Variants in SLC6A6 observed in about 807,000 individuals in gnomAD.
SLC6A6 encodes solute carrier family 6 member 6.
In SLC6A6, 16 loss-of-function variants were observed where a neutral mutation model predicts 68.8. The observed-to-expected ratio is 0.23, with a 90% CI of 0.16 to 0.35. The LOEUF is 0.35. Ranked by LOEUF, SLC6A6 falls within the 10% of genes least tolerant of loss-of-function variation. The probability of loss-of-function intolerance (pLI) is 1.00; values close to 1 mark genes in which losing one functional copy is unlikely to be tolerated. For synonymous variants in SLC6A6, 312 were observed against 315.4 expected, an observed-to-expected ratio of 0.99 and a Z score of 0.12; for missense variants, 474 against 802.8, an observed-to-expected ratio of 0.59 and a Z score of 4.95.
At position 14,477,331 on chromosome 3, in the gene SLC6A6, A is replaced by G; in HGVS notation, c.1336A>G (p.Met446Val). 6.2e-7 allele frequency: 1 copy of G among 1,614,122 alleles called. No homozygotes were observed. The highest frequency in any genetic ancestry group is 8.5e-7 in the Non-Finnish European group (1 of 1,179,984). Residue 446 changes from methionine to valine, a missense_variant, in exon 11 of 15, where the codon ATG becomes GTG. By Grantham distance (21) the Met-to-Val change is conservative. Coordinates refer to ENST00000622186, the MANE Select transcript of SLC6A6 (RefSeq NM_003043.6). The surrounding 1 kb of genome is among the most constrained non-coding windows in gnomAD (Gnocchi z 4.2). The stretch of plus-strand genomic sequence containing the variant: ...CATCAGCTACCTGCTGGGGCTGACG[A>G]TGGTGACGGAGGTAGGTGGCTCTCT... The part of the protein sequence containing the change: ...CSISYLLGLT[M>V]VTEGGMYVFQ...
chr3:14,417,589 A>C (rs1201575274), intron 2 of SLC6A6, among the ~76,000 whole-genome samples: 1 of 152,152 alleles, frequency 6.6e-6, no homozygotes, highest in East Asian at 1.9e-4. Flanking sequence ...AAAATTAGCC[A>C]GACGTGGTGG....
intron 1 of SLC6A6, among the ~76,000 whole-genome samples, chr3:14,409,361 C>T (rs994363664): frequency 1.8e-4 from 27 of 152,330 alleles, no homozygotes; most frequent in African/African-American, 3.8e-4. Context: ...CCGGCTGAGC[C>T]GATTCAGCAT....
chr3:14,402,883 C>T lies in SLC6A6; in HGVS notation c.-54+36C>T, dbSNP rs938204518. The T allele has an allele frequency of 1.8e-5, 7 of 390,978 alleles. No homozygotes were observed. The highest frequency in any genetic ancestry group is 6.4e-4 in the Middle Eastern group (1 of 1,568). 24.2% of individuals were successfully genotyped at this position (390,978 alleles called of 1,614,324 possible). A position where few individuals can be genotyped will look rare whatever the true frequency, so the allele number is the denominator to read the frequency against. ...GACCGGGAGCTGGGCGCGCAGCCGG[C>T]GCTGCCCGCCGTCTGCAGCCCCTCC... On this transcript the variant is annotated intron_variant, in intron 1 of 14. Transcript: ENST00000622186. This position sits in a 1 kb window ranked among gnomAD's most constrained non-coding sequence, Gnocchi z 4.8.
chr3:14,463,403 G>C (rs939486306), intron 6 of SLC6A6, among the ~76,000 whole-genome samples: 1 of 152,214 alleles, frequency 6.6e-6, no homozygotes, highest in Non-Finnish European at 1.5e-5. Context: ...AACTAACTAC[G>C]TGAAAACAAA....
chr3:14,453,077 C>T (rs528021342), intron 5 of SLC6A6, among the ~76,000 whole-genome samples: 91 of 152,366 alleles, frequency 6.0e-4, no homozygotes, highest in African/African-American at 2.0e-3. Flanking sequence ...TGCACGGCCC[C>T]GTGCTCTGGG....
intron 14 of SLC6A6, among the ~76,000 whole-genome samples, chr3:14,483,473 G>A (rs918194177): frequency 6.6e-6 from 1 of 152,198 alleles, no homozygotes; most frequent in Non-Finnish European, 1.5e-5. Flanking sequence ...AGCCCCAAGT[G>A]GCTGCCTGGG....
At chr3:14,442,417 G>A (rs144923141) in intron 2 of SLC6A6, among the ~76,000 whole-genome samples, 2 of 152,184 alleles carry the variant, frequency 1.3e-5, no homozygotes, top group East Asian at 1.9e-4. Context: ...CAGCTCATCC[G>A]TTTTCTGTGT....
intron 6 of SLC6A6, among the ~76,000 whole-genome samples, chr3:14,465,071 G>A (rs1700584885): frequency 6.6e-6 from 1 of 152,176 alleles, no homozygotes; most frequent in African/African-American, 2.4e-5. Context: ...GATGAAGTGG[G>A]CTTGTGCCTG....
chr3:14,432,628 A>T (rs1199139795), intron 2 of SLC6A6: 1 of 152,538 alleles, frequency 6.6e-6, no homozygotes, highest in East Asian at 1.9e-4. Context: ...GCCTAAACAC[A>T]TAGCAACAGG....
intron 11 of SLC6A6, among the ~76,000 whole-genome samples, chr3:14,478,229 G>C (rs1446032525): frequency 6.6e-6 from 1 of 152,170 alleles, no homozygotes; most frequent in Non-Finnish European, 1.5e-5. Flanking sequence ...CACCTCCTTG[G>C]GAAGCAGGCT....
chr3:14,426,236 G>T (rs1469320110), intron 2 of SLC6A6, among the ~76,000 whole-genome samples: 6 of 152,190 alleles, frequency 3.9e-5, no homozygotes, highest in Non-Finnish European at 7.3e-5. Flanking sequence ...TACCGATCCA[G>T]ACTCCAGTCC....
chr3:14,436,531 C>CTTTTTTT (rs58996264), intron 2 of SLC6A6, among the ~76,000 whole-genome samples: 34 of 112,568 alleles, frequency 3.0e-4, no homozygotes, highest in East Asian at 6.6e-4. Context: ...CAACAACTCC[C>CTTTTTTT]TTTTTTTTTT....
chr3:14,446,826 G>C (rs1022180826), intron 4 of SLC6A6, among the ~76,000 whole-genome samples: 4 of 152,180 alleles, frequency 2.6e-5, no homozygotes, highest in Non-Finnish European at 5.9e-5. Context: ...AGCTTCCTTA[G>C]TCCTATGTTT....
chr3:14,441,768 T>C (rs546952594), intron 2 of SLC6A6, among the ~76,000 whole-genome samples: 8 of 152,372 alleles, frequency 5.3e-5, no homozygotes, highest in Admixed American at 3.3e-4. Flanking sequence ...GTGACTCGCC[T>C]GGTCACAGGA....
intron 3 of SLC6A6, chr3:14,444,749 C>T (rs1700072392): frequency 2.2e-6 from 1 of 456,620 alleles, no homozygotes; most frequent in South Asian, 1.5e-5. Flanking sequence ...TCTCAGGCCC[C>T]TTTGGGACTG....
At chr3:14,409,511 C>T (rs576397213) in intron 1 of SLC6A6, among the ~76,000 whole-genome samples, 26 of 152,368 alleles carry the variant, frequency 1.7e-4, no homozygotes, top group African/African-American at 6.3e-4. Flanking sequence ...GCGCTGGACC[C>T]AGAGTCCACC....
chr3:14,445,294 G>A (rs900099621), intron 3 of SLC6A6, among the ~76,000 whole-genome samples: 6 of 152,050 alleles, frequency 3.9e-5, no homozygotes, highest in East Asian at 1.9e-4. Flanking sequence ...GGTGGCGGGC[G>A]CCTGTAGTCC....
chr3:14,439,906 A>C (rs1343150248), intron 2 of SLC6A6, among the ~76,000 whole-genome samples: 2 of 152,158 alleles, frequency 1.3e-5, no homozygotes, highest in Non-Finnish European at 2.9e-5. Flanking sequence ...GTTTGGATAC[A>C]TCACGGTCAC....
intron 2 of SLC6A6, among the ~76,000 whole-genome samples, chr3:14,429,441 G>A (rs1320989719): frequency 6.6e-6 from 1 of 152,242 alleles, no homozygotes; most frequent in African/African-American, 2.4e-5. Context: ...TGGCAGAAGT[G>A]AAACTCAGCC....
Sources: allele counts gnomAD v4.1 joint callset (sites outside exome capture counted in the v4.1 genomes callset), GRCh38; gene constraint gnomAD v4.1.1; non-coding constraint Gnocchi (gnomAD v3.1); transcripts MANE v1.5; gene names NCBI Gene and HGNC (gene_info 2026-07-23, HGNC 2026-07-21).